Variants in TPCN2 observed in about 807,000 individuals in gnomAD.
TPCN2 encodes the protein two pore channel protein 2.
A neutral mutation model predicts 111.4 loss-of-function variants in TPCN2; 92 were observed. That is an observed-to-expected ratio of 0.83 (90% CI 0.70 to 0.98). TPCN2 has a LOEUF of 0.98. Ranked by LOEUF, TPCN2 falls within the 50% of genes least tolerant of loss-of-function variation. The pLI is 0.00. For synonymous variants in TPCN2, 405 were observed against 414.5 expected (o/e 0.98, Z 0.28); for missense variants, 995 against 980.1 (o/e 1.02, Z -0.20).
At chr11:69,056,714 A>G (rs1409927988) in intron 4 of TPCN2, among the ~76,000 whole-genome samples, 1 of 150,698 alleles carries the variant, frequency 6.6e-6, no homozygotes, top group Non-Finnish European at 1.5e-5. Flanking sequence ...TTGTATTTTT[A>G]GTAGAGACGG....
chr11:69,071,435 C>A lies in TPCN2; in HGVS notation c.960+15C>A. 1 of 1,610,620 alleles carries A rather than the reference C, an allele frequency of 6.2e-7. No individual in the cohort carries two copies. The highest frequency in any genetic ancestry group is 8.5e-7 in the Non-Finnish European group (1 of 1,178,242). On this transcript the variant is annotated intron_variant, in intron 10 of 24. Transcript: ENST00000294309. Reference sequence around the variant, plus strand: ...GCTACCTGATGGTGAGCGAGCTCCCCAATGCTGGCTGTGCCTGGAGCTGCC... The same window carrying A: ...GCTACCTGATGGTGAGCGAGCTCCCAAATGCTGGCTGTGCCTGGAGCTGCC...
chr11:69,052,203 G>A (rs978872914), intron 1 of TPCN2, among the ~76,000 whole-genome samples: 5 of 152,106 alleles, frequency 3.3e-5, no homozygotes, highest in African/African-American at 9.7e-5. Context: ...CCCGGAACTC[G>A]GCCGCTTGTC....
intron 15 of TPCN2, 27 bp downstream of exon 15, chr11:69,078,820 G>A (rs758051729): frequency 2.3e-5 from 37 of 1,614,008 alleles, no homozygotes; most frequent in Non-Finnish European, 2.8e-5. Context: ...CCACCTGTCA[G>A]GGCCAGGGTG....
chr11:69,080,058 C>T (rs973809278), intron 17 of TPCN2, among the ~76,000 whole-genome samples, 175 bp downstream of exon 17: 2 of 152,214 alleles, frequency 1.3e-5, no homozygotes, highest in African/African-American at 4.8e-5. Context: ...GGGGCAGGGC[C>T]CTGCCGTCGC....
chr11:69,084,838 C>A, intron 19 of TPCN2: 1 of 978,124 alleles, frequency 1.0e-6, no homozygotes, highest in Non-Finnish European at 1.2e-6. Flanking sequence ...GAAACTGAGG[C>A]CCAGAAAGGG....
At chr11:69,061,504 C>G (rs1166188340) in intron 5 of TPCN2, among the ~76,000 whole-genome samples, 1 of 152,218 alleles carries the variant, frequency 6.6e-6, no homozygotes, top group Non-Finnish European at 1.5e-5. Flanking sequence ...ACGAGATACT[C>G]AAGGGACTGA....
chr11:69,073,660 C>G (rs1044667550), intron 13 of TPCN2, among the ~76,000 whole-genome samples: 1 of 152,244 alleles, frequency 6.6e-6, no homozygotes, highest in Non-Finnish European at 1.5e-5. Context: ...TGTTATCTCA[C>G]AGTCCTGGCC....
intron 1 of TPCN2, 58 bp downstream of exon 1, chr11:69,049,164 GGTCCCGCT>G: frequency 9.2e-7 from 1 of 1,083,478 alleles, no homozygotes; most frequent in Non-Finnish European, 1.2e-6. Flanking sequence ...CGCGCGTGGG[GGTCCCGCT>G]GTCCCAGCAC....
intron 5 of TPCN2, among the ~76,000 whole-genome samples, chr11:69,061,820 C>T (rs1406442456): frequency 1.3e-5 from 2 of 149,902 alleles, no homozygotes; most frequent in East Asian, 3.9e-4. Flanking sequence ...TTGAGCCAAT[C>T]CTGAGAGGGC....
intron 23 of TPCN2, among the ~76,000 whole-genome samples, chr11:69,086,836 G>A (rs987841720): frequency 2.7e-5 from 4 of 148,502 alleles, no homozygotes; most frequent in African/African-American, 7.8e-5. Context: ...GGCCTTGGGG[G>A]GTGCTCCTGA....
At position 69,078,469 on chromosome 11, in the gene TPCN2, GT is replaced by G; in HGVS notation, c.1231-11del. 2 of 1,613,876 alleles carry G rather than the reference GT, an allele frequency of 1.2e-6. No individual in the cohort carries two copies. The highest frequency in any genetic ancestry group is 3.3e-5 in the Admixed American group (2 of 60,018). On this transcript the variant is annotated splice_polypyrimidine_tract_variant and intron_variant, in intron 13 of 24. Coordinates refer to ENST00000294309, the MANE Select transcript of TPCN2 (RefSeq NM_139075.4). ...CTGGCCTGTGCTTCTGAGCACGTGT[GT>G]TCCTTGCCCAGCACCCGCCGAGGCC...
rs1856284512 is a variant in TPCN2, at chr11:69,086,542, G to A, written c.2023G>A (p.Val675Ile). Reference sequence around the variant, plus strand: ...CCGCAGGTGGTCCAAGATCTATTTTGTATTGTGGTGGCTGGTGTCGTCTGT... The same window carrying A: ...CCGCAGGTGGTCCAAGATCTATTTTATATTGTGGTGGCTGGTGTCGTCTGT... ...YSGPWSKIYFVLWWLVSSVIW... is the reference protein window; with the variant it reads ...YSGPWSKIYFILWWLVSSVIW... The change falls in exon 23 of 25, where the codon GTA becomes ATA. Residue 675 changes from valine (V) to isoleucine (I), a missense_variant. Physicochemically the swap from Val to Ile is conservative, Grantham distance 29. Coordinates refer to ENST00000294309, the MANE Select transcript of TPCN2 (RefSeq NM_139075.4). The A allele has an allele frequency of 1.2e-6, 2 of 1,614,060 alleles. No individual in the cohort carries two copies. The highest frequency in any genetic ancestry group is 8.5e-7 in the Non-Finnish European group (1 of 1,180,032).
intron 5 of TPCN2, 94 bp from the exon 6 acceptor site, chr11:69,062,790 C>A: frequency 8.2e-7 from 1 of 1,218,578 alleles, no homozygotes; most frequent in African/African-American, 1.5e-5. Context: ...CCCCAGGGCA[C>A]TGGGGTCTCT....
chr11:69,077,969 C>T (rs1219653118), intron 13 of TPCN2, among the ~76,000 whole-genome samples: 1 of 152,176 alleles, frequency 6.6e-6, no homozygotes, highest in Non-Finnish European at 1.5e-5. Context: ...ACCTCTTGCA[C>T]ACACAGACGT....
In TPCN2 at chr11:69,087,018, G is replaced by A. The variant is rs527872663; in HGVS notation, c.2086-94G>A. On this transcript the variant is annotated intron_variant, in intron 23 of 24. Transcript: ENST00000294309. ...GGTGAATGGCTCAGCCCCCTCAGCG[G>A]GTGCCCTGTGGCTGACCCTGGAGGG... is the stretch of plus-strand genomic sequence containing the variant. 111 of 1,053,144 alleles carry A rather than the reference G, an allele frequency of 1.1e-4. No homozygotes were observed. In the African/African-American group the frequency reaches 1.6e-3, roughly 15 times the overall value. 65.2% of individuals were successfully genotyped at this position (1,053,144 alleles called of 1,614,324 possible).
intron 7 of TPCN2, among the ~76,000 whole-genome samples, chr11:69,064,379 C>T (rs1366859027): frequency 6.8e-6 from 1 of 148,134 alleles, no homozygotes; most frequent in Non-Finnish European, 1.5e-5. Flanking sequence ...GTTCATCCTT[C>T]CTGACAACCA....
chr11:69,059,887 A>G (rs1302053365), intron 5 of TPCN2, among the ~76,000 whole-genome samples: 3 of 152,130 alleles, frequency 2.0e-5, no homozygotes, highest in African/African-American at 4.8e-5. Flanking sequence ...TGGTTGTGCT[A>G]TTGGCACCAG....
rs142288453 is a variant in TPCN2, at chr11:69,067,590, G to A, written c.814G>A (p.Ala272Thr). Reference protein sequence around the residue: ...LTSLLVLLTTANNPDVMIPAY... With the variant: ...LTSLLVLLTTTNNPDVMIPAY... ...TTCCCTCCTGGTGCTGCTGACCACGGCCAACAACCCCGATGGTGCGTGCAG... is the reference window on the plus strand; with the variant it reads ...TTCCCTCCTGGTGCTGCTGACCACGACCAACAACCCCGATGGTGCGTGCAG... The change falls in exon 8 of 25, where the codon GCC becomes ACC. Residue 272 changes from alanine (A) to threonine (T), a missense_variant. Physicochemically the swap from Ala to Thr is moderately conservative, Grantham distance 58. Coordinates refer to ENST00000294309, the MANE Select transcript of TPCN2 (RefSeq NM_139075.4). 962 of 1,613,804 alleles carry A rather than the reference G, an allele frequency of 6.0e-4. 2 individuals are homozygous for A. The highest frequency in any genetic ancestry group is 7.6e-4 in the Non-Finnish European group (892 of 1,179,996).
rs112099374 is a variant in TPCN2, at chr11:69,088,073, C to T, written c.*120C>T. 2.6e-4 allele frequency: 213 copies of T among 811,972 alleles called. No individual in the cohort carries two copies. Among genetic ancestry groups the T allele is most frequent in the African/African-American group, 1.6e-3 (95 of 58,116 alleles). The allele number at this position is 811,972 out of a possible 1,614,324, so 50.3% of individuals were successfully genotyped here. ...AGGCAGGAAGAGACCTTTCCTCTGACGGACCACTAAGCTGGGGACAGGAAC... is the reference window on the plus strand; with the variant it reads ...AGGCAGGAAGAGACCTTTCCTCTGATGGACCACTAAGCTGGGGACAGGAAC... On this transcript the variant is annotated 3_prime_UTR_variant, in exon 25 of 25. Coordinates refer to ENST00000294309, the MANE Select transcript of TPCN2 (RefSeq NM_139075.4).
Sources: allele counts gnomAD v4.1 joint callset (sites outside exome capture counted in the v4.1 genomes callset), GRCh38; gene constraint gnomAD v4.1.1; transcripts MANE v1.5; gene names NCBI Gene and HGNC (gene_info 2026-07-23, HGNC 2026-07-21).